POLD3: variants seen among roughly 807,000 people sequenced by gnomAD.
POLD3 encodes the protein DNA polymerase delta subunit 3.
Under a neutral mutation model 58.2 loss-of-function variants are expected in POLD3, and 19 were observed. That is an observed-to-expected ratio of 0.33 (90% CI 0.23 to 0.48). The LOEUF (loss-of-function observed/expected upper bound fraction) is 0.48. Ranked by LOEUF, POLD3 falls within the 20% of genes least tolerant of loss-of-function variation. The pLI is 0.99. For missense variants in POLD3, 504 were observed against 545.5 expected (o/e 0.92, Z 0.76); for synonymous variants, 172 against 193.5 (o/e 0.89, Z 0.92).
chr11:74,668,993 C>T (rs1199497196), exon 5 of POLD3: 1 of 344,930 alleles, frequency 2.9e-6, no homozygotes, highest in East Asian at 8.4e-5. Context: ...AGCCTTCTGC[C>T]CTATTTTTTA....
chr11:74,632,875 A>ATTACACACACACACACAC lies in POLD3; in HGVS notation c.1007-1708_1007-1707insTTACACACACACACACAC, dbSNP rs1157307914. Among the ~76,000 whole-genome samples, 21 of 59,244 alleles carry ATTACACACACACACACAC rather than the reference A, an allele frequency of 3.5e-4. 1 individual carries two copies. The highest frequency in any genetic ancestry group is 3.1e-3 in the African/African-American group (19 of 6,168). 38.9% of individuals were successfully genotyped at this position (59,244 alleles called of 152,430 possible). On this transcript the variant is annotated intron_variant, in intron 9 of 11. Transcript: ENST00000263681. ...GTGGTGGTTTTCCTTTATTTAAGTA[A>ATTACACACACACACACAC]ATACACACACACACACACACACACA...
intron 3 of POLD3, among the ~76,000 whole-genome samples, chr11:74,608,540 G>T (rs1207841222): frequency 6.6e-6 from 1 of 152,160 alleles, no homozygotes; most frequent in African/African-American, 2.4e-5. Flanking sequence ...GTTTGTGGAT[G>T]CTCCCTAACT....
chr11:74,592,644 C>T lies in POLD3; in HGVS notation c.-15C>T, dbSNP rs201077244. 10 of 1,604,046 alleles carry T rather than the reference C, an allele frequency of 6.2e-6. No homozygotes were observed. Among genetic ancestry groups the T allele is most frequent in the South Asian group, 1.1e-5 (1 of 90,362 alleles). On this transcript the variant is annotated 5_prime_UTR_variant, in exon 1 of 12. Coordinates refer to ENST00000263681, the MANE Select transcript of POLD3 (RefSeq NM_006591.3). ...TGAGAGAGGGGTTAGAGGCGGGTCC[C>T]AGCGCTGCCGCACCATGGCGGACCA...
chr11:74,615,295 A>G (rs960623495), intron 5 of POLD3, among the ~76,000 whole-genome samples: 27 of 152,194 alleles, frequency 1.8e-4, no homozygotes, highest in African/African-American at 6.5e-4. Flanking sequence ...CTGCTTTTCA[A>G]GGGAAGAATA....
At chr11:74,658,916 G>A (rs902864486) in intron 4 of POLD3, among the ~76,000 whole-genome samples, 1 of 152,186 alleles carries the variant, frequency 6.6e-6, no homozygotes, top group African/African-American at 2.4e-5. Context: ...CCATTCTGGG[G>A]TCTAGAGGAT....
rs1053447691 is a variant in POLD3, at chr11:74,642,280, C to T, written c.*1514C>T. On this transcript the variant is annotated 3_prime_UTR_variant, in exon 12 of 12. Coordinates refer to ENST00000263681, the MANE Select transcript of POLD3 (RefSeq NM_006591.3). ...GGACTAAAGCAGTGGCTTTGTATAG[C>T]AAGCTGAGTAAAGGTTGACATATTC... is the stretch of plus-strand genomic sequence containing the variant. 8 of 984,764 alleles carry T rather than the reference C, an allele frequency of 8.1e-6. No individual in the cohort carries two copies. The African/African-American group carries it at 1.2e-4, about 15-fold the overall frequency. The allele number at this position is 984,764 out of a possible 1,614,324, so 61.0% of individuals were successfully genotyped here.
At chr11:74,626,231 T>C (rs908868292) in intron 8 of POLD3, among the ~76,000 whole-genome samples, 10 of 152,170 alleles carry the variant, frequency 6.6e-5, no homozygotes, top group Admixed American at 5.2e-4. Flanking sequence ...GGGTTAAAGC[T>C]CTGTCCAGTG....
chr11:74,644,837 G>A (rs1250579839), downstream of POLD3, among the ~76,000 whole-genome samples: 1 of 152,126 alleles, frequency 6.6e-6, no homozygotes, highest in Non-Finnish European at 1.5e-5. Context: ...TGGTTCTTCA[G>A]CTTCATTCTT....
At chr11:74,607,832 A>G (rs1430943083) in intron 3 of POLD3, among the ~76,000 whole-genome samples, 1 of 152,048 alleles carries the variant, frequency 6.6e-6, no homozygotes, top group Non-Finnish European at 1.5e-5. Flanking sequence ...TCTTGAACTT[A>G]AGTGATCTGC....
intron 4 of POLD3, among the ~76,000 whole-genome samples, chr11:74,663,157 C>G (rs1304072675): frequency 1.3e-5 from 2 of 152,116 alleles, no homozygotes; most frequent in Non-Finnish European, 2.9e-5. Flanking sequence ...ATTTGGTGTT[C>G]CTGTGGGGAG....
At position 74,592,594 on chromosome 11, in the gene POLD3, C is replaced by G. The variant is rs2031066179; in HGVS notation, c.-65C>G. On this transcript the variant is annotated 5_prime_UTR_variant, in exon 1 of 12. Transcript: ENST00000263681. ...CCTGGGAGGGAGCAAAGACGTTTCC[C>G]GCCGGCGGGAGCTGTGGCTGTGATT... 6.3e-7 allele frequency: 1 copy of G among 1,597,032 alleles called. No individual in the cohort carries two copies.
At chr11:74,631,477 C>CTTTTTTTTTTTTTTTTTTTTTTT (rs1158260012) in intron 9 of POLD3, among the ~76,000 whole-genome samples, 1 of 110,296 alleles carries the variant, frequency 9.1e-6, no homozygotes, top group Non-Finnish European at 1.8e-5. Context: ...TTTGTCTTGT[C>CTTTTTTTTTTTTTTTTTTTTTTT]TTTTTTTTTT....
rs796979534 is a variant in POLD3, at chr11:74,592,873, A to G, written c.60+155A>G. 17 of 1,466,378 alleles carry G rather than the reference A, an allele frequency of 1.2e-5. No individual in the cohort carries two copies. In the African/African-American group the frequency reaches 2.4e-4, roughly 21 times the overall value. The allele number at this position is 1,466,378 out of a possible 1,614,324, so 90.8% of individuals were successfully genotyped here. On this transcript the variant is annotated intron_variant, in intron 1 of 11. Transcript: ENST00000263681. ...GACCTGGGCGAGCTCTGTGCCCCAGAGCGAGCGAGGACTCGTCGGGAAGGT... is the reference window on the plus strand; with the variant it reads ...GACCTGGGCGAGCTCTGTGCCCCAGGGCGAGCGAGGACTCGTCGGGAAGGT...
intron 5 of POLD3, among the ~76,000 whole-genome samples, chr11:74,614,234 G>C (rs1205997177): frequency 6.6e-6 from 1 of 152,202 alleles, no homozygotes; most frequent in Non-Finnish European, 1.5e-5. Flanking sequence ...TATCAAAATT[G>C]CATTTTAGAA....
At chr11:74,597,056 CAT>C (rs1252429715) in intron 2 of POLD3, among the ~76,000 whole-genome samples, 4 of 152,154 alleles carry the variant, frequency 2.6e-5, no homozygotes, top group African/African-American at 7.2e-5. Flanking sequence ...CTGCAATAAA[CAT>C]GTGAGTGCAA....
chr11:74,628,599 A>AT (rs1388728248), intron 8 of POLD3, among the ~76,000 whole-genome samples: 2 of 151,948 alleles, frequency 1.3e-5, no homozygotes, highest in Non-Finnish European at 2.9e-5. Context: ...GGAGTCTAGG[A>AT]TTTTTTTTAT....
At chr11:74,667,593 T>TAAAAAAAAA (rs1565137722) in intron 4 of POLD3, among the ~76,000 whole-genome samples, 2 of 151,084 alleles carry the variant, frequency 1.3e-5, no homozygotes, top group African/African-American at 4.9e-5. Flanking sequence ...AAATAAAATT[T>TAAAAAAAAA]AAAAATTTAG....
intron 4 of POLD3, among the ~76,000 whole-genome samples, chr11:74,660,401 A>C (rs541029658): frequency 1.3e-5 from 2 of 152,040 alleles, no homozygotes; most frequent in Admixed American, 1.3e-4. Context: ...CTATTATACT[A>C]TCTCTTTCTC....
chr11:74,608,995 T>C (rs944845647), intron 3 of POLD3, among the ~76,000 whole-genome samples: 4 of 152,192 alleles, frequency 2.6e-5, no homozygotes, highest in African/African-American at 4.8e-5. Flanking sequence ...ATTGCTGTTT[T>C]TTTTATGTTG....
Sources: gnomAD v4.1 joint callset for allele counts (sites outside exome capture counted in the v4.1 genomes callset) on GRCh38, gnomAD v4.1.1 for gene constraint, MANE v1.5 for transcripts, NCBI Gene and HGNC (gene_info 2026-07-23, HGNC 2026-07-21) for gene names.